Variants in LRRFIP1 observed in about 807,000 individuals in gnomAD.
The protein encoded by LRRFIP1 is LRR binding FLII interacting protein 1.
LRRFIP1 carries 62 observed loss-of-function variants against 104.4 expected under a neutral mutation model. The ratio of observed to expected loss-of-function variants is 0.59; its 90% CI spans 0.48 to 0.73. The LOEUF (loss-of-function observed/expected upper bound fraction) is 0.73, where lower values mean the gene tolerates loss of function less well. Among genes scored for constraint, LRRFIP1 ranks in the 30% least tolerant of loss-of-function variants. The probability of loss-of-function intolerance (pLI) is 0.00; values close to 1 mark genes in which losing one functional copy is unlikely to be tolerated. For synonymous variants in LRRFIP1, 300 were observed against 299.0 expected (o/e 1.00, Z -0.03); for missense variants, 796 against 824.5 (o/e 0.97, Z 0.42).
chr2:237,747,416 G>T (rs2058020156), intron 11 of LRRFIP1, among the ~76,000 whole-genome samples: 1 of 152,152 alleles, frequency 6.6e-6, no homozygotes, highest in African/African-American at 2.4e-5. Context: ...ATGGGAAGTG[G>T]TCATTTGGAG....
At chr2:237,662,995 C>T (rs1451719308) in intron 1 of LRRFIP1, among the ~76,000 whole-genome samples, 1 of 152,158 alleles carries the variant, frequency 6.6e-6, no homozygotes. Flanking sequence ...AACAGGACTG[C>T]AAAACTGCCC....
intron 1 of LRRFIP1, among the ~76,000 whole-genome samples, chr2:237,650,896 C>T (rs7577667): frequency 0.13 from 20,422 of 152,084 alleles, 1,870 homozygotes; most frequent in Non-Finnish European, 0.21. Context: ...GGGTAAATGT[C>T]GGGTTCTGGG....
intron 1 of LRRFIP1, among the ~76,000 whole-genome samples, chr2:237,663,844 C>T (rs1484591672): frequency 3.9e-5 from 6 of 152,046 alleles, no homozygotes; most frequent in Non-Finnish European, 8.8e-5. Context: ...CAAAGGTTCA[C>T]GTGCATTCGC....
chr2:237,728,025 GCTT>G (rs2150284392), intron 8 of LRRFIP1, 90 bp downstream of exon 8: 1 of 927,244 alleles, frequency 1.1e-6, no homozygotes, highest in East Asian at 2.5e-5. Context: ...TTTAAATTTA[GCTT>G]CTTTGCTGTT....
intron 12 of LRRFIP1, 30 bp from the exon 13 acceptor site, chr2:237,749,169 T>A: frequency 1.2e-6 from 2 of 1,608,070 alleles, no homozygotes; most frequent in South Asian, 2.2e-5. Context: ...AGCTAAACCA[T>A]ATCAGCATGT....
chr2:237,773,985 G>A (rs1025710695), intron 22 of LRRFIP1: 1 of 182,832 alleles, frequency 5.5e-6, no homozygotes, highest in Non-Finnish European at 1.2e-5. Flanking sequence ...CGCCACCCCA[G>A]GAGAGATTAG....
intron 1 of LRRFIP1, among the ~76,000 whole-genome samples, chr2:237,637,088 T>G (rs977140862): frequency 3.9e-5 from 6 of 152,214 alleles, no homozygotes; most frequent in African/African-American, 1.2e-4. Flanking sequence ...ATGGTATTCT[T>G]TTACTGAGAG....
At position 237,703,192 on chromosome 2, in the gene LRRFIP1, G is replaced by A. The variant is rs906473533; in HGVS notation, c.97-5352G>A. On this transcript the variant is annotated intron_variant, in intron 1 of 23. Transcript: ENST00000308482. The surrounding 1 kb of genome is among the most constrained non-coding windows in gnomAD (Gnocchi z 4.3). ...ATGACTCAACCTGCAGGCCGTCTGG[G>A]GTATGCACAGTCTCGTCTCCTGAGT... Among the ~76,000 whole-genome samples the A allele has an allele frequency of 6.6e-6, 1 of 152,102 alleles. No homozygotes were observed. The highest frequency in any genetic ancestry group is 1.5e-5 in the Non-Finnish European group (1 of 68,024).
chr2:237,663,406 A>G (rs1217027231), intron 1 of LRRFIP1, among the ~76,000 whole-genome samples: 1 of 113,366 alleles, frequency 8.8e-6, no homozygotes, highest in Non-Finnish European at 1.9e-5. Context: ...GTGCCCTTAT[A>G]AAACAAACCC....
intron 1 of LRRFIP1, among the ~76,000 whole-genome samples, chr2:237,653,121 G>C (rs1273659156): frequency 6.6e-6 from 1 of 152,134 alleles, no homozygotes; most frequent in Admixed American, 6.5e-5. Flanking sequence ...CATGCTTCCT[G>C]TATAGCCTGT....
chr2:237,645,521 CA>C (rs2084752553), intron 1 of LRRFIP1, among the ~76,000 whole-genome samples: 1 of 152,076 alleles, frequency 6.6e-6, no homozygotes, highest in Admixed American at 6.5e-5. Context: ...AAGGAGGTGC[CA>C]GGGGCAGCTG....
intron 15 of LRRFIP1, among the ~76,000 whole-genome samples, chr2:237,755,803 A>G (rs11678499): frequency 0.27 from 40,352 of 152,078 alleles, 5,618 homozygotes; most frequent in East Asian, 0.53. Flanking sequence ...GCATGGAGGC[A>G]GGCGCCTGTA....
At position 237,673,582 on chromosome 2, in the gene LRRFIP1, G is replaced by A. The variant is rs74681893; in HGVS notation, c.97-34962G>A. ...GACATCAGTCCTCCCCAGAAAGTGC[G>A]GCTGCCCCCGGTCGGTCGTTCTGTC... On this transcript the variant is annotated intron_variant, in intron 1 of 23. Transcript: ENST00000308482. Among the ~76,000 whole-genome samples, 515 of 152,316 alleles carry A rather than the reference G, an allele frequency of 3.4e-3. 9 individuals are homozygous for A. In the East Asian group the frequency reaches 0.047, roughly 14 times the overall value.
chr2:237,748,392 C>T lies in LRRFIP1; in HGVS notation c.662C>T (p.Thr221Ile). Residue 221 changes from threonine to isoleucine, a missense_variant, in exon 12 of 24, where the codon ACT becomes ATT. Coordinates refer to ENST00000308482, the MANE Select transcript of LRRFIP1 (RefSeq NM_001137550.2). ...GAAGAGAGACCAGAAAAAGATTTTA[C>T]TGAGAAGGTAAGGAATCGTTCATAA... ...VVEERPEKDFTEKGSRNMPGL... is the reference protein window; with the variant it reads ...VVEERPEKDFIEKGSRNMPGL... 1 of 1,604,572 alleles carries T rather than the reference C, an allele frequency of 6.2e-7. No individual in the cohort carries two copies. Among genetic ancestry groups the T allele is most frequent in the Middle Eastern group, 1.7e-4 (1 of 6,024 alleles).
intron 19 of LRRFIP1, among the ~76,000 whole-genome samples, chr2:237,767,275 A>G (rs1261215176): frequency 6.6e-6 from 1 of 152,232 alleles, no homozygotes; most frequent in Non-Finnish European, 1.5e-5. Context: ...TATAGTGTCA[A>G]AAGATTCAAA....
At chr2:237,639,061 AGCCCACAGGCTGCAGGGCGTGCT>A (rs2083517447) in intron 1 of LRRFIP1, among the ~76,000 whole-genome samples, 1 of 152,210 alleles carries the variant, frequency 6.6e-6, no homozygotes, top group Non-Finnish European at 1.5e-5. Flanking sequence ...AAAGAGCTAG[AGCCCACAGGCTGCAGGGCGTGCT>A]GCCTGGCACC....
chr2:237,708,599 G>T lies in LRRFIP1; in HGVS notation c.152G>T (p.Arg51Leu), dbSNP rs1256067780. The T allele has an allele frequency of 2.5e-6, 4 of 1,601,126 alleles. No homozygotes were observed. The highest frequency in any genetic ancestry group is 1.1e-5 in the South Asian group (1 of 89,344). The part of the protein sequence containing the change: ...RAARAEAREI[R>L]MKELERQQKE... ...GCCCGCGCGGAGGCTCGCGAGATCC[G>T]CATGAAGGAGCTGGAGCGGCAGCAG... The change falls in exon 2 of 24, where the codon CGC becomes CTC. Residue 51 changes from arginine (R) to leucine (L), a missense_variant. By Grantham distance (102) the Arg-to-Leu change is moderately radical (BLOSUM62 -2). Coordinates refer to ENST00000308482, the MANE Select transcript of LRRFIP1 (RefSeq NM_001137550.2).
Position 237,649,692 on chromosome 2 carries a change from C to T in LRRFIP1, c.96+21952C>T, listed in dbSNP as rs574595548. On this transcript the variant is annotated intron_variant, in intron 1 of 23. Coordinates refer to ENST00000308482, the MANE Select transcript of LRRFIP1 (RefSeq NM_001137550.2). This position sits in a 1 kb window ranked among gnomAD's most constrained non-coding sequence, Gnocchi z 4.1. The stretch of plus-strand genomic sequence containing the variant: ...GATGTTCACATGTCACATTTCTCAC[C>T]GGAGTCCTCGTCCCATCGCCTCCTC... Among the ~76,000 whole-genome samples the T allele has an allele frequency of 9.9e-5, 15 of 151,938 alleles. No homozygotes were observed. The South Asian group carries it at 1.2e-3, about 13-fold the overall frequency.
chr2:237,697,255 T>C (rs976858775), intron 1 of LRRFIP1, among the ~76,000 whole-genome samples: 10 of 152,094 alleles, frequency 6.6e-5, no homozygotes, highest in Non-Finnish European at 1.3e-4. Flanking sequence ...ACTCCTGACC[T>C]CAAGTGATCC....
Sources: allele counts gnomAD v4.1 joint callset (sites outside exome capture counted in the v4.1 genomes callset), GRCh38; gene constraint gnomAD v4.1.1; non-coding constraint Gnocchi (gnomAD v3.1); transcripts MANE v1.5; gene names NCBI Gene and HGNC (gene_info 2026-07-23, HGNC 2026-07-21).